ZNF432: variants seen among roughly 807,000 people sequenced by gnomAD.
The protein encoded by ZNF432 is zinc finger protein 432.
A neutral mutation model predicts 13.9 loss-of-function variants in ZNF432; 10 were observed. The ratio of observed to expected loss-of-function variants is 0.72; its 90% confidence interval spans 0.44 to 1.22. The LOEUF (loss-of-function observed/expected upper bound fraction) is 1.22. ZNF432 is among the 50% of genes most tolerant of loss of function. The pLI, the probability that ZNF432 is intolerant of heterozygous loss-of-function variation, is 0.00. For synonymous variants in ZNF432, 247 were observed against 256.2 expected, an observed-to-expected ratio of 0.96 and a Z score of 0.34; for missense variants, 793 against 796.2, an observed-to-expected ratio of 1.00 and a Z score of 0.05.
chr19:52,034,196 T>C lies in ZNF432; in HGVS notation c.1483A>G (p.Ile495Val), dbSNP rs201665735. The C allele has an allele frequency of 4.6e-5, 74 of 1,614,044 alleles. No individual in the cohort carries two copies. The highest frequency in any genetic ancestry group is 5.9e-5 in the Non-Finnish European group (70 of 1,179,988). The change falls in exon 5 of 5, where the codon ATT becomes GTT. Residue 495 changes from isoleucine to valine, a missense_variant. By Grantham distance (29) the Ile-to-Val change is conservative. Transcript: ENST00000221315. ...YRCSECGKGF[I>V]VNSGLMLHQR... Reference sequence around the variant, plus strand: ...TGTAACATCAGTCCGCTATTCACAATGAAACCTTTCCCACATTCACTGCAC... The same window carrying C: ...TGTAACATCAGTCCGCTATTCACAACGAAACCTTTCCCACATTCACTGCAC...
intron 2 of ZNF432, among the ~76,000 whole-genome samples, chr19:52,043,469 C>A (rs1238007860): frequency 6.6e-6 from 1 of 152,084 alleles, no homozygotes; most frequent in Non-Finnish European, 1.5e-5. Context: ...CAGGTATTGT[C>A]CAAGGTTTCT....
intron 4 of ZNF432, among the ~76,000 whole-genome samples, chr19:52,035,837 G>C: frequency 6.6e-6 from 1 of 152,090 alleles, no homozygotes; most frequent in Non-Finnish European, 1.5e-5. Context: ...CTGGCCAGGT[G>C]TTTTTAAATA....
At chr19:52,044,276 T>A (rs576180213) in intron 2 of ZNF432, among the ~76,000 whole-genome samples, 16 of 152,200 alleles carry the variant, frequency 1.1e-4, no homozygotes, top group Non-Finnish European at 2.4e-4. Flanking sequence ...CCTAATTTCA[T>A]ACTCAAAAAT....
intron 3 of ZNF432, among the ~76,000 whole-genome samples, chr19:52,041,063 T>C (rs2087131611): frequency 6.6e-6 from 1 of 152,074 alleles, no homozygotes; most frequent in Non-Finnish European, 1.5e-5. Flanking sequence ...AAGGCACCAC[T>C]ACATTCCAGC....
At position 52,033,002 on chromosome 19, in the gene ZNF432, A is replaced by T. The variant is rs1464667855; in HGVS notation, c.*718T>A. ...AGTTCATTGATGATCTATTATGATC[A>T]CTGAAGAGATAGGGTCTTTCTTCCC... On this transcript the variant is annotated 3_prime_UTR_variant, in exon 5 of 5. Transcript: ENST00000221315. The T allele has an allele frequency of 6.6e-6, 1 of 152,230 alleles. No homozygotes were observed. The highest frequency in any genetic ancestry group is 2.4e-5 in the African/African-American group (1 of 41,462). The allele number at this position is 152,230 out of a possible 1,614,324, so 9.4% of individuals were successfully genotyped here.
intron 2 of ZNF432, 89 bp from the exon 3 acceptor site, chr19:52,041,695 T>A: frequency 6.6e-7 from 1 of 1,513,892 alleles, no homozygotes; most frequent in Non-Finnish European, 9.1e-7. Flanking sequence ...CCGCTCACAT[T>A]AAACATATAG....
At chr19:52,044,111 G>A (rs1176547177) in intron 2 of ZNF432, among the ~76,000 whole-genome samples, 1 of 151,798 alleles carries the variant, frequency 6.6e-6, no homozygotes, top group Non-Finnish European at 1.5e-5. Flanking sequence ...CAAATTGATG[G>A]GATAATCTAT....
In ZNF432 at chr19:52,033,029, T is replaced by C. The variant is rs2087030752; in HGVS notation, c.*691A>G. The C allele has an allele frequency of 6.6e-6, 1 of 152,218 alleles. No homozygotes were observed. Among genetic ancestry groups the C allele is most frequent in the South Asian group, 2.1e-4 (1 of 4,834 alleles). 9.4% of individuals were successfully genotyped at this position (152,218 alleles called of 1,614,324 possible). On this transcript the variant is annotated 3_prime_UTR_variant, in exon 5 of 5. Transcript: ENST00000221315. ...TGAAGAGATAGGGTCTTTCTTCCCA[T>C]AGAAGGCTTTCCTAGCCTACTCCTT...
chr19:52,041,979 T>G (rs934268461), intron 2 of ZNF432, among the ~76,000 whole-genome samples: 4 of 152,176 alleles, frequency 2.6e-5, no homozygotes, highest in Non-Finnish European at 5.9e-5. Flanking sequence ...TAGAGAGACT[T>G]CAGATGCTAG....
At position 52,034,410 on chromosome 19, in the gene ZNF432, A is replaced by G. The variant is rs1330306271; in HGVS notation, c.1269T>C (p.His423=). The change falls in exon 5 of 5, where the codon CAT becomes CAC. Residue 423 remains histidine, a synonymous_variant. Coordinates refer to ENST00000221315, the MANE Select transcript of ZNF432 (RefSeq NM_014650.4). ...TACATAGATATGACTTCTCTACTGTATGATTTCTCTGATGTACAATAAGAT... is the reference window on the plus strand; with the variant it reads ...TACATAGATATGACTTCTCTACTGTGTGATTTCTCTGATGTACAATAAGAT... ...KSNLIVHQRN[H]TVEKSYLCSE... 6.2e-7 allele frequency: 1 copy of G among 1,613,964 alleles called. No homozygotes were observed. Among genetic ancestry groups the G allele is most frequent in the Non-Finnish European group, 8.5e-7 (1 of 1,180,004 alleles).
Position 52,034,565 on chromosome 19 carries a change from G to T in ZNF432, c.1114C>A (p.Pro372Thr). The change falls in exon 5 of 5, where the codon CCA (proline) becomes ACA (threonine). Residue 372 changes from proline (P) to threonine (T), a missense_variant. Pro to Thr is a conservative substitution (Grantham distance 38). Coordinates refer to ENST00000221315, the MANE Select transcript of ZNF432 (RefSeq NM_014650.4). Reference protein sequence around the residue: ...IHQRNHTGEKPYICNECGKGF... With the variant: ...IHQRNHTGEKTYICNECGKGF... ...TTCCCACATTCATTGCATATATATG[G>T]TTTCTCTCCTGTATGATTTCGTTGA... The T allele has an allele frequency of 6.2e-7, 1 of 1,612,072 alleles. No individual in the cohort carries two copies.
chr19:52,040,276 T>C (rs1319357287), intron 4 of ZNF432: 3 of 584,286 alleles, frequency 5.1e-6, no homozygotes, highest in South Asian at 4.0e-5. Context: ...ACTCCATAGG[T>C]AGAGGACATT....
rs1169896344 is a variant in ZNF432, at chr19:52,033,808, G to A, written c.1871C>T (p.Pro624Leu). ...TTTTCTACATTCACTGCATACAAAG[G>A]GTTTCTCTCCTGTATGAGTTCGTTG... is the stretch of plus-strand genomic sequence containing the variant. ...VHQRTHTGEK[P>L]FVCSECRKAF... Residue 624 changes from proline to leucine, a missense_variant, in exon 5 of 5, where the codon CCC becomes CTC. Coordinates refer to ENST00000221315, the MANE Select transcript of ZNF432 (RefSeq NM_014650.4). 1 of 1,613,556 alleles carries A rather than the reference G, an allele frequency of 6.2e-7. No individual in the cohort carries two copies. The highest frequency in any genetic ancestry group is 8.5e-7 in the Non-Finnish European group (1 of 1,179,940).
chr19:52,046,716 A>G lies in ZNF432; in HGVS notation c.15+138T>C. ...ATTTTGTAGGAATCACATAAACACT[A>G]TATTCCTGATCTTACTTTGCCATGA... On this transcript the variant is annotated intron_variant, in intron 2 of 4. Coordinates refer to ENST00000221315, the MANE Select transcript of ZNF432 (RefSeq NM_014650.4). 5 of 829,080 alleles carry G rather than the reference A, an allele frequency of 6.0e-6. No individual in the cohort carries two copies. The South Asian group carries it at 9.9e-5, about 16-fold the overall frequency. 51.4% of individuals were successfully genotyped at this position (829,080 alleles called of 1,614,324 possible). A position where few individuals can be genotyped will look rare whatever the true frequency, so the allele number is the denominator to read the frequency against.
rs922354809 is a variant in ZNF432, at chr19:52,034,088, G to A, written c.1591C>T (p.His531Tyr). Residue 531 changes from histidine to tyrosine, a missense_variant, in exon 5 of 5, where the codon CAC becomes TAC. His to Tyr is a moderately conservative substitution (Grantham distance 83, BLOSUM62 2). Coordinates refer to ENST00000221315, the MANE Select transcript of ZNF432 (RefSeq NM_014650.4). The stretch of plus-strand genomic sequence containing the variant: ...TTCTCTCCAGTATGAGTTCGCTGGT[G>A]TACAACAAGATTGCTCTTAAAGGCA... Reference protein sequence around the residue: ...GFAFKSNLVVHQRTHTGEKPF... With the variant: ...GFAFKSNLVVYQRTHTGEKPF... 3 of 1,614,052 alleles carry A rather than the reference G, an allele frequency of 1.9e-6. No individual in the cohort carries two copies. The African/African-American group carries it at 4.0e-5, about 22-fold the overall frequency.
In ZNF432 at chr19:52,034,621, C is replaced by G. The variant is rs186477581; in HGVS notation, c.1058G>C (p.Gly353Ala). The G allele has an allele frequency of 1.2e-5, 19 of 1,613,218 alleles. No homozygotes were observed. In the East Asian group the frequency reaches 2.0e-4, roughly 17 times the overall value. The change falls in exon 5 of 5, where the codon GGC becomes GCC. Residue 353 changes from glycine (G) to alanine (A), a missense_variant. Physicochemically the swap from Gly to Ala is moderately conservative, Grantham distance 60. Transcript: ENST00000221315. ...GATGACATAGTGTTTTGTGGTGAAG[C>G]CTTTCCCACATTCACTACAGATGTA... ...KPYICSECGK[G>A]FTTKHYVIIH... is the part of the protein sequence containing the mutation.
At chr19:52,048,016 T>G (rs2087203524) in intron 1 of ZNF432, among the ~76,000 whole-genome samples, 2 of 151,996 alleles carry the variant, frequency 1.3e-5, no homozygotes, top group African/African-American at 4.8e-5. Flanking sequence ...GAGCATGGGT[T>G]GTTGTGGAAA....
Position 52,033,709 on chromosome 19 carries a change from C to T in ZNF432, c.*11G>A. The T allele has an allele frequency of 6.4e-7, 1 of 1,562,404 alleles. No homozygotes were observed. Among genetic ancestry groups the T allele is most frequent in the Non-Finnish European group, 8.6e-7 (1 of 1,158,264 alleles). On this transcript the variant is annotated 3_prime_UTR_variant, in exon 5 of 5. Transcript: ENST00000221315. ...TTTCTTCCCAAAGGCATGAACATGT[C>T]CACTGCATTGTCAGGGTTTGTTTCC... is the stretch of plus-strand genomic sequence containing the variant.
rs769826321 is a variant in ZNF432 at position 52,034,950 on chromosome 19, GGA to G, written c.727_728del (p.Ser243GlnfsTer7). The G allele has an allele frequency of 6.2e-7, 1 of 1,612,500 alleles. No homozygotes were observed. Among genetic ancestry groups the G allele is most frequent in the Non-Finnish European group, 8.5e-7 (1 of 1,179,472 alleles). ...GATGTTCATTTAGCCTGGACTTTCT[GGA>G]GAACACTTTTGCACACAAAGTACAT... ...YGCTLCAKVF[S>X]RKSRLNEHQR... On this transcript the variant is annotated frameshift_variant, in exon 5 of 5. Coordinates refer to ENST00000221315, the MANE Select transcript of ZNF432 (RefSeq NM_014650.4). LOFTEE classifies it low-confidence loss of function (END_TRUNC).
Sources: gnomAD v4.1 joint callset for allele counts (sites outside exome capture counted in the v4.1 genomes callset) on GRCh38, gnomAD v4.1.1 for gene constraint, MANE v1.5 for transcripts, NCBI Gene and HGNC (gene_info 2026-07-23, HGNC 2026-07-21) for gene names.